NUP35: variants seen among roughly 807,000 people sequenced by gnomAD.
The protein encoded by NUP35 is nucleoporin NUP35.
NUP35 carries 25 observed loss-of-function variants against 41.5 expected under a neutral mutation model. That is an observed-to-expected ratio of 0.60 (90% CI 0.44 to 0.84). NUP35 has a LOEUF of 0.84. Among genes scored for constraint, NUP35 ranks in the 40% least tolerant of loss-of-function variants. NUP35 has a pLI of 0.00. For missense variants in NUP35, 396 were observed against 396.6 expected, an observed-to-expected ratio of 1.00 and a Z score of 0.01; for synonymous variants, 149 against 130.7, an observed-to-expected ratio of 1.14 and a Z score of -0.96.
upstream of NUP35, chr2:183,123,868 G>A (rs900397794): frequency 1.4e-5 from 13 of 937,742 alleles, no homozygotes; most frequent in Non-Finnish European, 1.4e-5. Context: ...TGTACTTTAT[G>A]CGTTCGTTAG....
intron 1 of NUP35, among the ~76,000 whole-genome samples, chr2:183,126,529 A>G (rs1477007504): frequency 6.6e-6 from 1 of 152,306 alleles, no homozygotes; most frequent in Middle Eastern, 3.4e-3. Context: ...TTCTTACGAA[A>G]TATTTCTACA....
At position 183,133,884 on chromosome 2, in the gene NUP35, A is replaced by G. The variant is rs370386538; in HGVS notation, c.397+261A>G. Reference sequence around the variant, plus strand: ...TGTATATTGATTATTTTCTGAATCAAATCACCCTAAAGGTATGGTGGGGTG... The same window carrying G: ...TGTATATTGATTATTTTCTGAATCAGATCACCCTAAAGGTATGGTGGGGTG... On this transcript the variant is annotated intron_variant, in intron 4 of 8. Coordinates refer to ENST00000295119, the MANE Select transcript of NUP35 (RefSeq NM_138285.5). Among the ~76,000 whole-genome samples the G allele has an allele frequency of 1.2e-3, 188 of 152,304 alleles. No individual in the cohort carries two copies. In the South Asian group the frequency reaches 0.016, roughly 13 times the overall value.
chr2:183,140,093 A>C (rs1428738272), intron 4 of NUP35, among the ~76,000 whole-genome samples: 1 of 152,208 alleles, frequency 6.6e-6, no homozygotes, highest in Non-Finnish European at 1.5e-5. Context: ...GCTGAACCAT[A>C]TTATCACAAA....
At chr2:183,151,341 T>A (rs758032952) in intron 4 of NUP35, among the ~76,000 whole-genome samples, 167 bp from the exon 5 acceptor site, 2 of 152,266 alleles carry the variant, frequency 1.3e-5, no homozygotes, top group Non-Finnish European at 2.9e-5. Context: ...TTACTTCCTC[T>A]AATTGTATGG....
At chr2:183,141,354 C>T (rs1685090835) in intron 4 of NUP35, among the ~76,000 whole-genome samples, 1 of 152,188 alleles carries the variant, frequency 6.6e-6, no homozygotes. Context: ...ACATAGATAG[C>T]ATTTGCAGAT....
intron 5 of NUP35, among the ~76,000 whole-genome samples, chr2:183,152,810 C>G (rs1471810065): frequency 6.6e-6 from 1 of 152,116 alleles, no homozygotes; most frequent in East Asian, 1.9e-4. Flanking sequence ...AAAGCTCCAG[C>G]AAAAACTTGG....
chr2:183,123,089 G>T (rs1331957041), upstream of NUP35, among the ~76,000 whole-genome samples: 1 of 152,162 alleles, frequency 6.6e-6, no homozygotes, highest in Non-Finnish European at 1.5e-5. Flanking sequence ...AAGCAGGAAG[G>T]TGGCACAAGC....
intron 1 of NUP35, among the ~76,000 whole-genome samples, chr2:183,117,825 A>G (rs891460546): frequency 3.3e-5 from 5 of 152,190 alleles, no homozygotes; most frequent in African/African-American, 9.6e-5. Flanking sequence ...GTGTGGATAT[A>G]TTAAACTTAT....
At position 183,118,200 on chromosome 2, in the gene NUP35, A is replaced by C. The variant is rs369844258; in HGVS notation, c.-121+574A>C. 7 of 152,338 alleles carry C rather than the reference A, an allele frequency of 4.6e-5. No individual in the cohort carries two copies. In the South Asian group the frequency reaches 1.2e-3, roughly 27 times the overall value. 9.4% of individuals were successfully genotyped at this position (152,338 alleles called of 1,614,324 possible). A position where few individuals can be genotyped will look rare whatever the true frequency, so the allele number is the denominator to read the frequency against. On this transcript the variant is annotated intron_variant, in intron 1 of 9. Transcript: ENST00000409798. ...GGAAGGAATTCAGAACAGAAATAGG[A>C]AACAGGTTCCATTTGACAGTTTATT...
chr2:183,141,764 T>A lies in NUP35; in HGVS notation c.397+8141T>A, dbSNP rs189741255. ...CTCACTTTTCAAGCACATTTTTCTT[T>A]GTTTTAAATTGAGAATTTCTCTCTC... On this transcript the variant is annotated intron_variant, in intron 4 of 8. Transcript: ENST00000295119. 2.0e-5 allele frequency among the ~76,000 whole-genome samples: 3 copies of A among 152,370 alleles called. No individual in the cohort carries two copies. The East Asian group carries it at 5.8e-4, about 29-fold the overall frequency.
At chr2:183,153,752 A>T (rs902123445) in intron 5 of NUP35, among the ~76,000 whole-genome samples, 2 of 152,082 alleles carry the variant, frequency 1.3e-5, no homozygotes, top group Admixed American at 1.3e-4. Context: ...TGGATCTACC[A>T]TTCTGGGGAC....
chr2:183,140,982 G>T (rs913769267), intron 4 of NUP35, among the ~76,000 whole-genome samples: 1 of 152,130 alleles, frequency 6.6e-6, no homozygotes, highest in African/African-American at 2.4e-5. Context: ...TCTTGCCATT[G>T]TAACAAATTA....
chr2:183,138,736 C>G (rs1340986887), intron 4 of NUP35, among the ~76,000 whole-genome samples: 1 of 151,908 alleles, frequency 6.6e-6, no homozygotes, highest in Non-Finnish European at 1.5e-5. Flanking sequence ...AGTTCTTTCA[C>G]TTATATATTA....
At chr2:183,117,877 T>C (rs1258086196) in intron 1 of NUP35, among the ~76,000 whole-genome samples, 67 of 152,186 alleles carry the variant, frequency 4.4e-4, no homozygotes, top group Admixed American at 4.4e-3. Flanking sequence ...ATTTCTGACT[T>C]TTTCAAAATT....
In NUP35 at chr2:183,132,863, C is replaced by T. The variant is rs986874682; in HGVS notation, c.340-703C>T. 3.3e-5 allele frequency among the ~76,000 whole-genome samples: 5 copies of T among 152,262 alleles called. No individual in the cohort carries two copies. In the South Asian group the frequency reaches 8.3e-4, roughly 25 times the overall value. On this transcript the variant is annotated intron_variant, in intron 3 of 8. Coordinates refer to ENST00000295119, the MANE Select transcript of NUP35 (RefSeq NM_138285.5). ...AATAATTGAGGAATAAATTTTATAT[C>T]TCTCCCAACATTCTCTCAGCATTTA...
In NUP35 at chr2:183,117,914, G is replaced by C. The variant is rs1170825357; in HGVS notation, c.-121+288G>C. Among the ~76,000 whole-genome samples the C allele has an allele frequency of 3.3e-5, 5 of 152,104 alleles. No homozygotes were observed. The East Asian group carries it at 9.6e-4, about 29-fold the overall frequency. On this transcript the variant is annotated intron_variant, in intron 1 of 9. Coordinates refer to the NUP35 transcript ENST00000409798. ...GAGTTTAGAAGAAAGTTGAAATATA[G>C]CTCAGAGCTAATTTTCAGGTTGAGC...
Position 183,151,548 on chromosome 2 carries a change from A to T in NUP35, c.438A>T (p.Arg146=), listed in dbSNP as rs921101550. 2 of 1,613,970 alleles carry T rather than the reference A, an allele frequency of 1.2e-6. No homozygotes were observed. The highest frequency in any genetic ancestry group is 1.7e-6 in the Non-Finnish European group (2 of 1,179,942). ...GTCCAGCAAGTATCGGTCAGCCACG[A>T]AAGACGACATTATCTCCTGCCCAGT... ...MFSPASIGQP[R]KTTLSPAQLD... The change falls in exon 5 of 9, where the codon CGA becomes CGT. Residue 146 remains arginine (R), a synonymous_variant. Coordinates refer to ENST00000295119, the MANE Select transcript of NUP35 (RefSeq NM_138285.5).
chr2:183,143,170 A>AT, intron 4 of NUP35, among the ~76,000 whole-genome samples: 1 of 150,046 alleles, frequency 6.7e-6, no homozygotes, highest in Admixed American at 6.6e-5. Flanking sequence ...AAAAAAAAAA[A>AT]GAAAAGAAAT....
intron 5 of NUP35, among the ~76,000 whole-genome samples, chr2:183,153,298 T>C (rs1419506977): frequency 6.6e-6 from 1 of 152,138 alleles, no homozygotes; most frequent in Non-Finnish European, 1.5e-5. Flanking sequence ...AAACCAATCA[T>C]GGTTTCCCAA....
Sources: allele counts gnomAD v4.1 joint callset (sites outside exome capture counted in the v4.1 genomes callset), GRCh38; gene constraint gnomAD v4.1.1; transcripts MANE v1.5; gene names NCBI Gene and HGNC (gene_info 2026-07-23, HGNC 2026-07-21).